Variants in MAGI2 observed in about 807,000 individuals in gnomAD.
The protein encoded by MAGI2 is membrane-associated guanylate kinase, WW and PDZ domain-containing protein 2.
Under a neutral mutation model 133.3 loss-of-function variants are expected in MAGI2, and 35 were observed. The ratio of observed to expected loss-of-function variants is 0.26; its 90% CI spans 0.20 to 0.35. The LOEUF (loss-of-function observed/expected upper bound fraction) is 0.35. Among genes scored for constraint, MAGI2 ranks in the 10% least tolerant of loss-of-function variants. The pLI is 1.00. For missense variants in MAGI2, 1,636 were observed against 1,863.4 expected (o/e 0.88, Z 2.25); for synonymous variants, 729 against 710.6 (o/e 1.03, Z -0.41).
chr7:79,080,163 T>C (rs927257406), intron 1 of MAGI2, among the ~76,000 whole-genome samples: 3 of 152,174 alleles, frequency 2.0e-5, no homozygotes, highest in Non-Finnish European at 2.9e-5. Context: ...TCTGTTTAGA[T>C]GCATACGCTG....
At chr7:78,737,328 C>T (rs957944936) in intron 2 of MAGI2, among the ~76,000 whole-genome samples, 4 of 151,968 alleles carry the variant, frequency 2.6e-5, no homozygotes, top group East Asian at 1.9e-4. Flanking sequence ...GTTACAAACT[C>T]GTGCATGCAA....
chr7:79,306,979 A>C (rs1837874076), intron 1 of MAGI2, among the ~76,000 whole-genome samples: 1 of 152,040 alleles, frequency 6.6e-6, no homozygotes, highest in African/African-American at 2.4e-5. Flanking sequence ...ACACCCGGCT[A>C]ATTTCTTTTT....
At chr7:78,838,175 A>T (rs1236847305) in intron 2 of MAGI2, among the ~76,000 whole-genome samples, 1 of 152,152 alleles carries the variant, frequency 6.6e-6, no homozygotes, top group Non-Finnish European at 1.5e-5. Context: ...AGTCAATTAG[A>T]CTAACACGTC....
Position 78,017,135 on chromosome 7 carries a change from C to T in MAGI2, c.*2180G>A, listed in dbSNP as rs1053082303. On this transcript the variant is annotated 3_prime_UTR_variant, in exon 22 of 22. Coordinates refer to ENST00000354212, the MANE Select transcript of MAGI2 (RefSeq NM_012301.4). ...GAATATCATACAGTAAACAAGATTT[C>T]TGTAAAAGTTAATTTATCCATAGTG... is the stretch of plus-strand genomic sequence containing the variant. The T allele has an allele frequency of 7.9e-5, 12 of 152,610 alleles. No homozygotes were observed. The highest frequency in any genetic ancestry group is 5.8e-4 in the East Asian group (3 of 5,202). 9.5% of individuals were successfully genotyped at this position (152,610 alleles called of 1,614,324 possible).
intron 10 of MAGI2, among the ~76,000 whole-genome samples, chr7:78,228,407 C>T (rs1789623669): frequency 6.6e-6 from 1 of 152,094 alleles, no homozygotes. Context: ...AGTTGTGGCT[C>T]ACCACATCTA....
intron 3 of MAGI2, among the ~76,000 whole-genome samples, chr7:78,570,625 G>A (rs1321173341): frequency 6.6e-6 from 1 of 152,128 alleles, no homozygotes; most frequent in Admixed American, 6.5e-5. Context: ...TCCTCACAGA[G>A]TATCTTGTAG....
At chr7:79,383,070 A>G (rs1357269233) in intron 1 of MAGI2, among the ~76,000 whole-genome samples, 1 of 151,658 alleles carries the variant, frequency 6.6e-6, no homozygotes, top group African/African-American at 2.4e-5. Context: ...TTGTTTTTCT[A>G]CATTTAAATT....
chr7:78,357,196 A>T (rs1166089656), intron 7 of MAGI2, among the ~76,000 whole-genome samples: 1 of 152,184 alleles, frequency 6.6e-6, no homozygotes, highest in African/African-American at 2.4e-5. Context: ...CAATATTTTT[A>T]TCACCTACTA....
intron 2 of MAGI2, among the ~76,000 whole-genome samples, chr7:78,853,804 G>A (rs144489574): frequency 7.8e-4 from 118 of 152,102 alleles, no homozygotes; most frequent in African/African-American, 2.8e-3. Context: ...CCCCTCTCTT[G>A]GTGGTGGACA....
chr7:78,573,056 T>C (rs1801701803), intron 3 of MAGI2, among the ~76,000 whole-genome samples: 2 of 99,216 alleles, frequency 2.0e-5, no homozygotes, highest in South Asian at 3.1e-4. Flanking sequence ...TATATATATA[T>C]ATATATATAT....
intron 2 of MAGI2, among the ~76,000 whole-genome samples, chr7:78,931,254 T>C (rs1025756198): frequency 6.6e-6 from 1 of 152,102 alleles, no homozygotes; most frequent in African/African-American, 2.4e-5. Flanking sequence ...ATTCAATGAC[T>C]GGATTTGATT....
chr7:79,346,902 C>T (rs891276694), intron 1 of MAGI2, among the ~76,000 whole-genome samples: 1 of 151,986 alleles, frequency 6.6e-6, no homozygotes, highest in African/African-American at 2.4e-5. Flanking sequence ...ATTGAATTCA[C>T]ATCTGTGATA....
At chr7:78,242,869 G>T (rs954025347) in intron 10 of MAGI2, among the ~76,000 whole-genome samples, 3 of 152,012 alleles carry the variant, frequency 2.0e-5, no homozygotes, top group African/African-American at 7.2e-5. Flanking sequence ...CTTGAGCTAA[G>T]GAGTTCAAGA....
intron 6 of MAGI2, among the ~76,000 whole-genome samples, chr7:78,378,663 C>G (rs559641457): frequency 2.6e-5 from 4 of 152,092 alleles, no homozygotes; most frequent in African/African-American, 7.2e-5. Context: ...AATACACACA[C>G]CCCCCACCAT....
intron 1 of MAGI2, among the ~76,000 whole-genome samples, chr7:79,402,307 C>T (rs908734036): frequency 6.6e-6 from 1 of 152,088 alleles, no homozygotes; most frequent in Non-Finnish European, 1.5e-5. Flanking sequence ...AAACTATTAT[C>T]TCATCTACTT....
chr7:78,877,713 A>G (rs1007961468), intron 2 of MAGI2, among the ~76,000 whole-genome samples: 5 of 152,168 alleles, frequency 3.3e-5, no homozygotes, highest in African/African-American at 1.2e-4. Context: ...AAAGTTTTAA[A>G]ATGTAATAAT....
At chr7:78,168,259 C>T (rs919680072) in intron 14 of MAGI2, 151 bp from the exon 15 acceptor site, 6 of 625,510 alleles carry the variant, frequency 9.6e-6, no homozygotes, top group Non-Finnish European at 1.6e-5. Flanking sequence ...AGGTTCACGC[C>T]ATCTTTTTCC....
chr7:78,502,961 A>T (rs904499833), intron 4 of MAGI2, among the ~76,000 whole-genome samples: 2 of 152,230 alleles, frequency 1.3e-5, no homozygotes, highest in Non-Finnish European at 2.9e-5. Flanking sequence ...TTAAGGAAAC[A>T]TGCAGACACC....
intron 1 of MAGI2, among the ~76,000 whole-genome samples, chr7:79,224,491 C>T (rs909882502): frequency 3.3e-5 from 5 of 151,974 alleles, no homozygotes; most frequent in African/African-American, 1.2e-4. Flanking sequence ...GAAATAAAAA[C>T]ATCTGTCCAT....
Sources: allele counts gnomAD v4.1 joint callset (sites outside exome capture counted in the v4.1 genomes callset), GRCh38; gene constraint gnomAD v4.1.1; transcripts MANE v1.5; gene names NCBI Gene and HGNC (gene_info 2026-07-23, HGNC 2026-07-21).